The following EXTL1 variants were observed in gnomAD, a reference collection of about 807,000 sequenced individuals.
EXTL1 encodes exostosin like glycosyltransferase 1, also known as exostosin-like 1.
Under a neutral mutation model 64.6 loss-of-function variants are expected in EXTL1, and 43 were observed. The observed-to-expected ratio is 0.67, with a 90% CI of 0.52 to 0.86. The LOEUF (loss-of-function observed/expected upper bound fraction) is 0.86. EXTL1 is among the 40% of genes least tolerant of loss of function. The pLI is 0.00. For missense variants in EXTL1, 766 were observed against 879.0 expected (o/e 0.87, Z 1.62); for synonymous variants, 352 against 360.5 (o/e 0.98, Z 0.27).
At chr1:26,029,777 C>G (rs939814985) in intron 3 of EXTL1, 70 bp downstream of exon 3, 4 of 1,009,784 alleles carry the variant, frequency 4.0e-6, no homozygotes, top group African/African-American at 1.6e-5. Context: ...AATCCTGGAT[C>G]GAGGCTGGCC....
intron 1 of EXTL1, among the ~76,000 whole-genome samples, chr1:26,028,653 G>T (rs2050244007): frequency 6.7e-6 from 1 of 148,576 alleles, no homozygotes; most frequent in African/African-American, 2.4e-5. Context: ...CTGTCCTCTG[G>T]GCCAGGGGAC....
rs768114737 is a variant in EXTL1, at chr1:26,023,204, G to A, written c.558G>A (p.Thr186=). 8.1e-6 allele frequency: 13 copies of A among 1,612,550 alleles called. No homozygotes were observed. Among genetic ancestry groups the A allele is most frequent in the East Asian group, 4.5e-5 (2 of 44,844 alleles). Residue 186 remains threonine (T), a synonymous_variant, in exon 1 of 11, where the codon ACG becomes ACA. Transcript: ENST00000374280. ...GQAMVAEASP[T]VDSFRPGFDV... ...CTATGGTGGCTGAGGCCAGCCCCACGGTGGACTCCTTCCGGCCCGGCTTTG... is the reference window on the plus strand; with the variant it reads ...CTATGGTGGCTGAGGCCAGCCCCACAGTGGACTCCTTCCGGCCCGGCTTTG...
chr1:26,033,221 C>A lies in EXTL1; in HGVS notation c.1432-8C>A, dbSNP rs374028183. Reference sequence around the variant, plus strand: ...AATGGCTGAGTTCCCCTCCCCCACTCCCTGCAGGTTAGTGATCGCTTCTAC... The same window carrying A: ...AATGGCTGAGTTCCCCTCCCCCACTACCTGCAGGTTAGTGATCGCTTCTAC... On this transcript the variant is annotated splice_region_variant and splice_polypyrimidine_tract_variant and intron_variant, in intron 7 of 10. Transcript: ENST00000374280. The surrounding 1 kb of genome is among the most constrained non-coding windows in gnomAD (Gnocchi z 5.1). The A allele has an allele frequency of 3.7e-6, 6 of 1,605,604 alleles. No homozygotes were observed. Among genetic ancestry groups the A allele is most frequent in the Non-Finnish European group, 5.1e-6 (6 of 1,172,422 alleles).
intron 1 of EXTL1, 147 bp from the exon 2 acceptor site, chr1:26,029,046 G>A: frequency 1.7e-6 from 1 of 599,110 alleles, no homozygotes; most frequent in Non-Finnish European, 3.1e-6. Flanking sequence ...TCAGTGTGCG[G>A]CTGTGCATAT....
intron 1 of EXTL1, among the ~76,000 whole-genome samples, chr1:26,026,698 A>G (rs917827147): frequency 2.6e-5 from 4 of 152,214 alleles, no homozygotes; most frequent in Admixed American, 6.5e-5. Flanking sequence ...AGTGCCTAGT[A>G]GGGCACATGG....
chr1:26,031,244 C>T lies in EXTL1; in HGVS notation c.1214C>T (p.Pro405Leu), dbSNP rs2050282669. Residue 405 changes from proline (P) to leucine (L), a missense_variant, in exon 5 of 11, where the codon CCC (proline) becomes CTC (leucine). Transcript: ENST00000374280. ...STFSTSPQDF[P>L]FYYLQQGSRP... ...TTTTCCACAAGCCCCCAGGACTTCC[C>T]CTTCTACTACCTGCAACAGGGTATG... The T allele has an allele frequency of 6.2e-7, 1 of 1,613,762 alleles. No homozygotes were observed. The highest frequency in any genetic ancestry group is 1.3e-5 in the African/African-American group (1 of 74,946).
In EXTL1 at chr1:26,033,330, C is replaced by T; in HGVS notation, c.1518+15C>T. ...CCACAAGTGAGGTGAGGGCTGGGCC[C>T]AAGAGAAGCCCAGTGTGGGTAGACA... is the stretch of plus-strand genomic sequence containing the variant. On this transcript the variant is annotated intron_variant, in intron 8 of 10. Transcript: ENST00000374280. This position sits in a 1 kb window ranked among gnomAD's most constrained non-coding sequence, Gnocchi z 5.1. The T allele has an allele frequency of 1.2e-6, 2 of 1,607,596 alleles. No individual in the cohort carries two copies. The highest frequency in any genetic ancestry group is 1.7e-6 in the Non-Finnish European group (2 of 1,174,234).
At chr1:26,028,781 C>A (rs1274596696) in intron 1 of EXTL1, among the ~76,000 whole-genome samples, 2 of 152,196 alleles carry the variant, frequency 1.3e-5, no homozygotes, top group Non-Finnish European at 2.9e-5. Context: ...AGAGGCCACG[C>A]AGGCAAGGGG....
chr1:26,029,158 C>G, intron 1 of EXTL1, 35 bp from the exon 2 acceptor site: 1 of 1,531,508 alleles, frequency 6.5e-7, no homozygotes, highest in Non-Finnish European at 9.0e-7. Flanking sequence ...TGTCCAGGCT[C>G]ATGTGTGGTG....
At chr1:26,029,436 C>T (rs1417531217) in intron 2 of EXTL1, 150 bp downstream of exon 2, 1 of 740,198 alleles carries the variant, frequency 1.4e-6, no homozygotes, top group Non-Finnish European at 2.4e-6. Flanking sequence ...CCATTCACTG[C>T]ACCCTCTGCA....
chr1:26,031,693 G>A (rs2050289426), intron 6 of EXTL1, 127 bp downstream of exon 6: 1 of 507,764 alleles, frequency 2.0e-6, no homozygotes, highest in Non-Finnish European at 3.3e-6. Flanking sequence ...AGATTTCCAA[G>A]TGTTCTTGCT....
In EXTL1 at chr1:26,035,580, C is replaced by G. The variant is rs924477141; in HGVS notation, c.*233C>G. 6 of 448,738 alleles carry G rather than the reference C, an allele frequency of 1.3e-5. No homozygotes were observed. The highest frequency in any genetic ancestry group is 2.0e-5 in the Non-Finnish European group (5 of 252,102). 27.8% of individuals were successfully genotyped at this position (448,738 alleles called of 1,614,324 possible). A position where few individuals can be genotyped will look rare whatever the true frequency, so the allele number is the denominator to read the frequency against. On this transcript the variant is annotated 3_prime_UTR_variant, in exon 11 of 11. Transcript: ENST00000374280. This position sits in a 1 kb window ranked among gnomAD's most constrained non-coding sequence, Gnocchi z 5.3. ...GCTGAGCCCCGCGACCGGAGCGCCGCTCTCCGCTTCTCCACCCAGCTAACT... is the reference window on the plus strand; with the variant it reads ...GCTGAGCCCCGCGACCGGAGCGCCGGTCTCCGCTTCTCCACCCAGCTAACT...
At chr1:26,032,303 A>G in intron 6 of EXTL1, 93 bp from the exon 7 acceptor site, 1 of 809,910 alleles carries the variant, frequency 1.2e-6, no homozygotes, top group South Asian at 1.6e-5. Context: ...GACTTCTCAA[A>G]CTTCTTCCAC....
Position 26,022,434 on chromosome 1 carries a change from G to A in EXTL1, c.-213G>A. 5.8e-6 allele frequency: 3 copies of A among 514,030 alleles called. No homozygotes were observed. In the South Asian group the frequency reaches 1.0e-4, roughly 17 times the overall value. The allele number at this position is 514,030 out of a possible 1,614,324, so 31.8% of individuals were successfully genotyped here. ...CAGGGGGGCCAGGCCAGCAAGCTGG[G>A]TCCCACCTGGCCTCCTCCTGCCTGG... On this transcript the variant is annotated 5_prime_UTR_variant, in exon 1 of 11. Coordinates refer to ENST00000374280, the MANE Select transcript of EXTL1 (RefSeq NM_004455.3).
In EXTL1 at chr1:26,023,219, G is replaced by T. The variant is rs757457112; in HGVS notation, c.573G>T (p.Arg191=). 24 of 1,610,464 alleles carry T rather than the reference G, an allele frequency of 1.5e-5. No individual in the cohort carries two copies. The highest frequency in any genetic ancestry group is 1.2e-4 in the Admixed American group (7 of 59,762). The part of the protein sequence containing the change: ...AEASPTVDSF[R]PGFDVALPFL... ...CCAGCCCCACGGTGGACTCCTTCCG[G>T]CCCGGCTTTGATGTGGCCCTCCCTT... The change falls in exon 1 of 11, where the codon CGG becomes CGT. Residue 191 remains arginine (R), a synonymous_variant. Coordinates refer to ENST00000374280, the MANE Select transcript of EXTL1 (RefSeq NM_004455.3).
rs2124412865 is a variant in EXTL1, at chr1:26,033,146, C to T, written c.1432-83C>T. 2 of 979,842 alleles carry T rather than the reference C, an allele frequency of 2.0e-6. No homozygotes were observed. Among genetic ancestry groups the T allele is most frequent in the Admixed American group, 1.7e-5 (1 of 57,686 alleles). The allele number at this position is 979,842 out of a possible 1,614,324, so 60.7% of individuals were successfully genotyped here. A position where few individuals can be genotyped will look rare whatever the true frequency, so the allele number is the denominator to read the frequency against. On this transcript the variant is annotated intron_variant, in intron 7 of 10. Transcript: ENST00000374280. This position sits in a 1 kb window ranked among gnomAD's most constrained non-coding sequence, Gnocchi z 5.1. ...TTTATTCATGGCTCAGGCGTCTACA[C>T]TGTGCCTGAATGGCTCCTACTTATT... is the stretch of plus-strand genomic sequence containing the variant.
Position 26,023,072 on chromosome 1 carries a change from G to T in EXTL1, c.426G>T (p.Gln142His). 1 of 1,613,764 alleles carries T rather than the reference G, an allele frequency of 6.2e-7. No homozygotes were observed. The highest frequency in any genetic ancestry group is 1.1e-5 in the South Asian group (1 of 90,972). The change falls in exon 1 of 11, where the codon CAG (glutamine) becomes CAT (histidine). Residue 142 changes from glutamine (Q) to histidine (H), a missense_variant. Gln to His is a conservative substitution (Grantham distance 24). Coordinates refer to ENST00000374280, the MANE Select transcript of EXTL1 (RefSeq NM_004455.3). ...TCCTCCTCCTCAGCCTGGACGCCCA[G>T]ACTGGAGAGTGCAGCTCAATGCCTC... ...CLLLLLSLDAQTGECSSMPLQ... is the reference protein window; with the variant it reads ...CLLLLLSLDAHTGECSSMPLQ...
Position 26,029,709 on chromosome 1 carries a change from T to C in EXTL1, c.981+2T>C, listed in dbSNP as rs2050261102. The C allele has an allele frequency of 9.4e-6, 15 of 1,598,406 alleles. No homozygotes were observed. Among genetic ancestry groups the C allele is most frequent in the Non-Finnish European group, 1.3e-5 (15 of 1,167,832 alleles). ...GCTGATGAGAGGCTCCCACTTCAGG[T>C]AGCTCAGAGCCCTGCCCACAGGGTG... On this transcript the variant is annotated splice_donor_variant, in intron 3 of 10. Transcript: ENST00000374280. LOFTEE classifies it high-confidence loss of function.
In EXTL1 at chr1:26,031,192, C is replaced by T. The variant is rs2050281995; in HGVS notation, c.1162C>T (p.Pro388Ser). Residue 388 changes from proline (P) to serine (S), a missense_variant, in exon 5 of 11, where the codon CCA becomes TCA. Pro to Ser is a moderately conservative substitution (Grantham distance 74, BLOSUM62 -1). Transcript: ENST00000374280. ...AHPSLLWNSP[P>S]GALLALSTFS... ...CCCCTCACTGCTGTGGAACAGCCCC[C>T]CAGGGGCACTCCTGGCCCTGTCTAC... 1.2e-6 allele frequency: 2 copies of T among 1,613,902 alleles called. No homozygotes were observed. The highest frequency in any genetic ancestry group is 1.7e-5 in the Admixed American group (1 of 60,018).
Sources: gnomAD v4.1 joint callset for allele counts (sites outside exome capture counted in the v4.1 genomes callset) on GRCh38, gnomAD v4.1.1 for gene constraint, Gnocchi (gnomAD v3.1) non-coding constraint, MANE v1.5 for transcripts, NCBI Gene and HGNC (gene_info 2026-07-23, HGNC 2026-07-21) for gene names.